The following CREBRF variants were observed in gnomAD, a reference collection of about 807,000 sequenced individuals.
CREBRF encodes the protein CREB3 regulatory factor.
In CREBRF, 5 loss-of-function variants were observed where a neutral mutation model predicts 66.1. The ratio of observed to expected loss-of-function variants is 0.08; its 90% CI spans 0.04 to 0.16. The LOEUF (loss-of-function observed/expected upper bound fraction) is 0.16. Ranked by LOEUF, CREBRF falls within the 10% of genes least tolerant of loss-of-function variation. The pLI is 1.00. For missense variants in CREBRF, 531 were observed against 744.9 expected, an observed-to-expected ratio of 0.71 and a Z score of 3.34; for synonymous variants, 229 against 264.4, an observed-to-expected ratio of 0.87 and a Z score of 1.30.
At chr5:173,082,644 A>G (rs1757991875) in intron 2 of CREBRF, among the ~76,000 whole-genome samples, 2 of 151,792 alleles carry the variant, frequency 1.3e-5, no homozygotes, top group Non-Finnish European at 1.5e-5. Flanking sequence ...GCAGTGGCTC[A>G]TATCTGTAAT....
intron 1 of CREBRF, among the ~76,000 whole-genome samples, chr5:173,080,225 G>C (rs953427247): frequency 6.6e-6 from 1 of 151,990 alleles, no homozygotes; most frequent in Non-Finnish European, 1.5e-5. Flanking sequence ...ATTAAATTTT[G>C]AGATATGTTT....
At chr5:173,113,289 C>A (rs1758910066) in intron 7 of CREBRF, among the ~76,000 whole-genome samples, 1 of 152,080 alleles carries the variant, frequency 6.6e-6, no homozygotes, top group Non-Finnish European at 1.5e-5. Context: ...GCCGCTGCAC[C>A]CAGCCAAGAT....
intron 3 of CREBRF, among the ~76,000 whole-genome samples, chr5:173,086,948 G>GTT (rs765109361): frequency 1.2e-4 from 7 of 56,238 alleles, no homozygotes; most frequent in Non-Finnish European, 2.2e-4. Flanking sequence ...AACTAATTTT[G>GTT]TTTTTTTTTT....
chr5:173,133,526 C>T (rs1760610261), intron 8 of CREBRF, 104 bp from the exon 9 acceptor site: 1 of 573,792 alleles, frequency 1.7e-6, no homozygotes, highest in African/African-American at 1.9e-5. Context: ...GGACCAGTAT[C>T]AAGCTGAGGG....
At chr5:173,113,077 C>T (rs1758905395) in intron 7 of CREBRF, among the ~76,000 whole-genome samples, 3 of 152,302 alleles carry the variant, frequency 2.0e-5, no homozygotes, top group South Asian at 4.1e-4. Context: ...ACTGCAGCCT[C>T]CACCTTCTGG....
intron 4 of CREBRF, among the ~76,000 whole-genome samples, chr5:173,106,226 G>A (rs1442496346): frequency 2.0e-5 from 3 of 151,318 alleles, no homozygotes; most frequent in Non-Finnish European, 2.9e-5. Flanking sequence ...TCAGGAGATC[G>A]AAACCATCCT....
At chr5:173,129,637 A>G (rs1455767902) in intron 8 of CREBRF, among the ~76,000 whole-genome samples, 1 of 149,106 alleles carries the variant, frequency 6.7e-6, no homozygotes, top group Non-Finnish European at 1.5e-5. Context: ...AGGCGAGAGG[A>G]TCGCTTTTGC....
Position 173,082,219 on chromosome 5 carries a change from C to T in CREBRF, c.9+1435C>T, listed in dbSNP as rs761729414. 5.3e-5 allele frequency among the ~76,000 whole-genome samples: 8 copies of T among 151,670 alleles called. No individual in the cohort carries two copies. In the South Asian group the frequency reaches 8.3e-4, roughly 16 times the overall value. On this transcript the variant is annotated intron_variant, in intron 2 of 8. Transcript: ENST00000296953. ...TAGTGGAGACGGGGTTTCACCGTGT[C>T]AGCCAGGATGGTCCCGATCTCCTGA...
intron 4 of CREBRF, among the ~76,000 whole-genome samples, chr5:173,098,975 G>A (rs928782490): frequency 6.6e-6 from 1 of 151,614 alleles, no homozygotes; most frequent in African/African-American, 2.4e-5. Context: ...AACTACTTGG[G>A]CTCCAGCAGT....
chr5:173,103,175 C>A (rs1342938323), intron 4 of CREBRF, among the ~76,000 whole-genome samples: 1 of 152,182 alleles, frequency 6.6e-6, no homozygotes, highest in Non-Finnish European at 1.5e-5. Flanking sequence ...TTGGCAGGGT[C>A]AAGTTCTCTT....
At chr5:173,071,326 G>C (rs758918305) in intron 1 of CREBRF, among the ~76,000 whole-genome samples, 1 of 151,996 alleles carries the variant, frequency 6.6e-6, no homozygotes, top group Non-Finnish European at 1.5e-5. Flanking sequence ...ATTCTCCTTC[G>C]TCAGCCTTCT....
At chr5:173,063,985 G>A (rs552234337) in intron 1 of CREBRF, among the ~76,000 whole-genome samples, 71 of 152,244 alleles carry the variant, frequency 4.7e-4, no homozygotes, top group African/African-American at 1.5e-3. Flanking sequence ...GCCTCCCAAA[G>A]TGCTGGGATT....
intron 1 of CREBRF, among the ~76,000 whole-genome samples, chr5:173,079,759 C>G (rs1437547974): frequency 1.3e-5 from 2 of 152,158 alleles, no homozygotes; most frequent in African/African-American, 4.8e-5. Flanking sequence ...TGATGTAGTA[C>G]TGCTGATCCT....
At chr5:173,132,112 T>C (rs1581055442) in intron 8 of CREBRF, among the ~76,000 whole-genome samples, 1 of 147,468 alleles carries the variant, frequency 6.8e-6, no homozygotes, top group African/African-American at 2.5e-5. Flanking sequence ...TGAGATGGAG[T>C]TTCACTCTTG....
chr5:173,103,426 T>C (rs1218397931), intron 4 of CREBRF, among the ~76,000 whole-genome samples: 1 of 152,216 alleles, frequency 6.6e-6, no homozygotes, highest in African/African-American at 2.4e-5. Flanking sequence ...ACTTTAAAGA[T>C]GCAAAAGTGA....
chr5:173,075,337 G>A (rs1429517302), intron 1 of CREBRF, among the ~76,000 whole-genome samples: 1 of 152,146 alleles, frequency 6.6e-6, no homozygotes, highest in Non-Finnish European at 1.5e-5. Context: ...AATAAAGGGA[G>A]AACTTGAGCC....
intron 2 of CREBRF, among the ~76,000 whole-genome samples, chr5:173,081,989 C>T (rs1470687602): frequency 2.1e-5 from 3 of 142,150 alleles, no homozygotes. Context: ...GAGTGGTTGC[C>T]CATTCAAGGT....
chr5:173,123,779 A>G (rs1759198852), intron 8 of CREBRF: 1 of 152,280 alleles, frequency 6.6e-6, no homozygotes, highest in South Asian at 2.1e-4. Flanking sequence ...ATGACCCACG[A>G]AAACCCCCAA....
At chr5:173,077,332 C>G (rs1047159078) in intron 1 of CREBRF, among the ~76,000 whole-genome samples, 5 of 152,176 alleles carry the variant, frequency 3.3e-5, no homozygotes, top group Non-Finnish European at 7.4e-5. Context: ...TCATCTTTAG[C>G]TGTACAATTT....
Sources: allele counts gnomAD v4.1 joint callset (sites outside exome capture counted in the v4.1 genomes callset), GRCh38; gene constraint gnomAD v4.1.1; transcripts MANE v1.5; gene names NCBI Gene and HGNC (gene_info 2026-07-23, HGNC 2026-07-21).